Variants in MPHOSPH9 observed in about 807,000 individuals in gnomAD.
MPHOSPH9 encodes the protein M-phase phosphoprotein 9.
A neutral mutation model predicts 145.5 loss-of-function variants in MPHOSPH9; 88 were observed. The ratio of observed to expected loss-of-function variants is 0.60; its 90% CI spans 0.51 to 0.72. The LOEUF is 0.72. Among genes scored for constraint, MPHOSPH9 ranks in the 30% least tolerant of loss-of-function variants. The pLI is 0.00. For missense variants in MPHOSPH9, 1,238 were observed against 1,386.6 expected (o/e 0.89, Z 1.70); for synonymous variants, 435 against 486.2 (o/e 0.89, Z 1.39).
Position 123,187,851 on chromosome 12 carries a change from C to T in MPHOSPH9, c.2241+6535G>A, listed in dbSNP as rs188023381. Among the ~76,000 whole-genome samples the T allele has an allele frequency of 1.1e-4, 16 of 152,252 alleles. No individual in the cohort carries two copies. In the East Asian group the frequency reaches 2.9e-3, roughly 28 times the overall value. ...ACGTAAGAGGTAATTCTGGGCTGGG[C>T]GCCGTGGCTCGCACCTGTAATCCCA... On this transcript the variant is annotated intron_variant, in intron 13 of 23. Transcript: ENST00000606320.
intron 8 of MPHOSPH9, among the ~76,000 whole-genome samples, chr12:123,208,427 C>T (rs564336353): frequency 2.0e-5 from 3 of 151,036 alleles, no homozygotes; most frequent in African/African-American, 7.3e-5. Flanking sequence ...GACCCAGCTA[C>T]TCGGGAGGCT....
chr12:123,186,995 T>C (rs1484745552), intron 13 of MPHOSPH9, among the ~76,000 whole-genome samples: 2 of 151,758 alleles, frequency 1.3e-5, no homozygotes, highest in African/African-American at 4.8e-5. Flanking sequence ...GCAGTGGCTC[T>C]CGCCTGTAAT....
intron 22 of MPHOSPH9, 23 bp downstream of exon 22, chr12:123,161,113 T>A: frequency 1.2e-6 from 2 of 1,610,248 alleles, no homozygotes; most frequent in Non-Finnish European, 8.5e-7. Flanking sequence ...AAACAATTTT[T>A]AAAAATATTT....
At chr12:123,171,057 A>AT (rs775442216) in intron 16 of MPHOSPH9, among the ~76,000 whole-genome samples, 7 of 152,112 alleles carry the variant, frequency 4.6e-5, no homozygotes, top group Non-Finnish European at 1.0e-4. Context: ...TTCTTTTACC[A>AT]TTTTTTGTTG....
chr12:123,166,377 A>AT (rs2044319214), intron 17 of MPHOSPH9: 3 of 392,056 alleles, frequency 7.7e-6, no homozygotes, highest in Non-Finnish European at 9.1e-6. Context: ...AAGTGTTGGG[A>AT]TTACAGGCGT....
In MPHOSPH9 at chr12:123,202,335, TA is replaced by T; in HGVS notation, c.1782-17del. The T allele has an allele frequency of 1.9e-6, 3 of 1,569,552 alleles. No individual in the cohort carries two copies. Among genetic ancestry groups the T allele is most frequent in the Non-Finnish European group, 8.6e-7 (1 of 1,164,094 alleles). On this transcript the variant is annotated splice_polypyrimidine_tract_variant and intron_variant, in intron 10 of 23. Coordinates refer to ENST00000606320, the MANE Select transcript of MPHOSPH9 (RefSeq NM_022782.4). Reference sequence around the variant, plus strand: ...CTGCCTAATCCTTATTCAGTGAGAATAAAAAATATATATTAGGAAAGCTATC... The same window carrying T: ...CTGCCTAATCCTTATTCAGTGAGAATAAAAATATATATTAGGAAAGCTATC...
rs370043278 is a variant in MPHOSPH9 at position 123,194,377 on chromosome 12, G to A, written c.2241+9C>T. On this transcript the variant is annotated intron_variant, in intron 13 of 23. Transcript: ENST00000606320. ...TCACGTCATTAAGTTACTATTATTC[G>A]CTACTTACATCTTGAAACATTTTGT... The A allele has an allele frequency of 9.8e-6, 15 of 1,537,214 alleles. 1 individual carries two copies. The highest frequency in any genetic ancestry group is 3.6e-5 in the South Asian group (3 of 84,212).
Position 123,156,781 on chromosome 12 carries a change from G to T in MPHOSPH9, c.*26C>A. 1 of 1,589,374 alleles carries T rather than the reference G, an allele frequency of 6.3e-7. No individual in the cohort carries two copies. The highest frequency in any genetic ancestry group is 8.6e-7 in the Non-Finnish European group (1 of 1,160,496). On this transcript the variant is annotated 3_prime_UTR_variant, in exon 24 of 24. Transcript: ENST00000606320. Reference sequence around the variant, plus strand: ...ATTATACATTAGTGCAAACAAAAATGTCTCAAAATTTAATGGCTACAAATC... The same window carrying T: ...ATTATACATTAGTGCAAACAAAAATTTCTCAAAATTTAATGGCTACAAATC...
At chr12:123,170,303 T>C (rs1025565422) in intron 16 of MPHOSPH9, among the ~76,000 whole-genome samples, 1 of 152,022 alleles carries the variant, frequency 6.6e-6, no homozygotes, top group African/African-American at 2.4e-5. Flanking sequence ...CCACCACATC[T>C]GGCTAATTTT....
At chr12:123,179,417 T>C (rs1157805533) in intron 15 of MPHOSPH9, among the ~76,000 whole-genome samples, 3 of 151,914 alleles carry the variant, frequency 2.0e-5, no homozygotes, top group Non-Finnish European at 4.4e-5. Flanking sequence ...CTATCAAAAA[T>C]ACAAAAAATT....
chr12:123,181,399 G>C (rs1263830563), intron 13 of MPHOSPH9, among the ~76,000 whole-genome samples, 189 bp from the exon 14 acceptor site: 1 of 152,058 alleles, frequency 6.6e-6, no homozygotes, highest in Non-Finnish European at 1.5e-5. Flanking sequence ...AATGGTTTCT[G>C]TACATTTGAT....
chr12:123,218,523 AT>A (rs762445502), intron 5 of MPHOSPH9, 24 bp from the exon 6 acceptor site: 1 of 1,601,196 alleles, frequency 6.2e-7, no homozygotes, highest in South Asian at 1.1e-5. Context: ...GAAAACCAAA[AT>A]TACTTTTTTT....
intron 23 of MPHOSPH9, among the ~76,000 whole-genome samples, chr12:123,157,367 T>C (rs1008942817): frequency 8.7e-6 from 1 of 114,956 alleles, no homozygotes; most frequent in African/African-American, 3.2e-5. Context: ...AAAAAAACAC[T>C]GAAGGATACT....
Position 123,155,974 on chromosome 12 carries a change from C to T in MPHOSPH9, c.*833G>A, listed in dbSNP as rs1184116908. On this transcript the variant is annotated 3_prime_UTR_variant, in exon 24 of 24. Transcript: ENST00000606320. ...TGACAACTATGACGGACAGCTGAAG[C>T]CATGCACACTAAGAAAACCAGGCTG... The T allele has an allele frequency of 6.6e-6, 1 of 152,236 alleles. No individual in the cohort carries two copies. The highest frequency in any genetic ancestry group is 2.4e-5 in the African/African-American group (1 of 41,424). 9.4% of individuals were successfully genotyped at this position (152,236 alleles called of 1,614,324 possible). A position where few individuals can be genotyped will look rare whatever the true frequency, so the allele number is the denominator to read the frequency against.
chr12:123,182,915 AAAAT>A (rs1302185987), intron 13 of MPHOSPH9, among the ~76,000 whole-genome samples: 4 of 151,616 alleles, frequency 2.6e-5, no homozygotes, highest in South Asian at 2.1e-4. Context: ...TCTTGTCTCA[AAAAT>A]AAATAAATAA....
At chr12:123,168,585 G>A (rs990156121) in intron 16 of MPHOSPH9, among the ~76,000 whole-genome samples, 3 of 151,514 alleles carry the variant, frequency 2.0e-5, no homozygotes, top group South Asian at 2.1e-4. Flanking sequence ...CTCATGATCC[G>A]CCCACCTCAG....
chr12:123,192,628 CAAAAAAAAA>C (rs55831766), intron 13 of MPHOSPH9, among the ~76,000 whole-genome samples: 2 of 49,374 alleles, frequency 4.1e-5, no homozygotes, highest in East Asian at 6.8e-4. Flanking sequence ...GACACCGTCT[CAAAAAAAAA>C]AAAAAAAAAA....
At position 123,210,159 on chromosome 12, in the gene MPHOSPH9, A is replaced by C. The variant is rs2046641361; in HGVS notation, c.1091T>G (p.Leu364Trp). The C allele has an allele frequency of 6.3e-7, 1 of 1,585,040 alleles. No individual in the cohort carries two copies. Among genetic ancestry groups the C allele is most frequent in the East Asian group, 2.3e-5 (1 of 43,900 alleles). The change falls in exon 8 of 24, where the codon TTG (leucine) becomes TGG (tryptophan). Residue 364 changes from leucine to tryptophan, a missense_variant. This residue lies in a region of MPHOSPH9 where 837 missense variants were observed against 897.5 expected (regional missense o/e 0.93). Transcript: ENST00000606320. The part of the protein sequence containing the change: ...NAWMSDSGTG[L>W]TYWKLEEKDM... ...CTTTTCCTCTAGTTTCCAGTAAGTC[A>C]ATCCTGATGTGCACAAACACACAGA...
rs563658213 is a variant in MPHOSPH9 at position 123,239,640 on chromosome 12, G to A, written c.-159+4213C>T. Among the ~76,000 whole-genome samples the A allele has an allele frequency of 2.6e-5, 4 of 152,256 alleles. No individual in the cohort carries two copies. In the South Asian group the frequency reaches 6.2e-4, roughly 24 times the overall value. ...GATGGTCTCGATCTCCTGACCTCAT[G>A]ATCTGCCCGCCTTGGCCTCCCAAAG... On this transcript the variant is annotated intron_variant, in intron 1 of 2. Transcript: ENST00000545406.
Sources: gnomAD v4.1 joint callset for allele counts (sites outside exome capture counted in the v4.1 genomes callset) on GRCh38, gnomAD v4.1.1 for gene constraint, gnomAD v4.1.1 regional missense constraint, MANE v1.5 for transcripts, NCBI Gene and HGNC (gene_info 2026-07-23, HGNC 2026-07-21) for gene names.